The following COLEC10 variants were observed in gnomAD, a reference collection of about 807,000 sequenced individuals.
The protein encoded by COLEC10 is collectin subfamily member 10.
A neutral mutation model predicts 28.4 loss-of-function variants in COLEC10; 22 were observed. The observed-to-expected ratio is 0.78, with a 90% confidence interval of 0.55 to 1.11. The LOEUF is 1.11. Among genes scored for constraint, COLEC10 ranks in the 50% least tolerant of loss-of-function variants. The pLI is 0.00. For synonymous variants in COLEC10, 125 were observed against 116.1 expected, an observed-to-expected ratio of 1.08 and a Z score of -0.49; for missense variants, 361 against 344.1, an observed-to-expected ratio of 1.05 and a Z score of -0.39.
intron 2 of COLEC10, among the ~76,000 whole-genome samples, chr8:119,054,406 G>A (rs1370722097): frequency 6.6e-6 from 1 of 152,042 alleles, no homozygotes; most frequent in African/African-American, 2.4e-5. Flanking sequence ...TAATCAGATT[G>A]CAAACAGGTC....
intron 5 of COLEC10, among the ~76,000 whole-genome samples, chr8:119,105,572 G>A (rs756272796): frequency 5.3e-5 from 8 of 152,110 alleles, no homozygotes; most frequent in Non-Finnish European, 1.2e-4. Context: ...CTGGCCAGGT[G>A]TGTGAGAAGT....
At chr8:119,082,711 T>C (rs1237301218) in intron 1 of COLEC10, among the ~76,000 whole-genome samples, 1 of 152,190 alleles carries the variant, frequency 6.6e-6, no homozygotes, top group Non-Finnish European at 1.5e-5. Flanking sequence ...CCACATAATA[T>C]TTCATTGGCG....
chr8:119,083,946 G>A (rs1475807736), intron 1 of COLEC10, among the ~76,000 whole-genome samples: 3 of 152,140 alleles, frequency 2.0e-5, no homozygotes, highest in Non-Finnish European at 4.4e-5. Flanking sequence ...AACGTTGCCA[G>A]GGTCTGGGCC....
the COLEC10 span, among the ~76,000 whole-genome samples, chr8:118,957,425 C>T: frequency 6.6e-6 from 1 of 152,142 alleles, no homozygotes; most frequent in African/African-American, 2.4e-5. Context: ...CCCTTTTGAT[C>T]AGACAATGGA....
At chr8:119,091,013 T>C in intron 2 of COLEC10, 136 bp from the exon 3 acceptor site, 2 of 701,032 alleles carry the variant, frequency 2.9e-6, no homozygotes, top group Non-Finnish European at 5.1e-6. Context: ...CTAGACAATA[T>C]AGCATGGGAT....
chr8:119,075,995 G>A (rs181841277), intron 1 of COLEC10, among the ~76,000 whole-genome samples: 4,305 of 147,232 alleles, frequency 0.029, 92 homozygotes, highest in Non-Finnish European at 0.05. Context: ...CCGCCTCCTG[G>A]GTTCATGCCA....
chr8:118,980,288 C>T, the COLEC10 span, among the ~76,000 whole-genome samples: 143 of 151,632 alleles, frequency 9.4e-4, 1 homozygote, highest in African/African-American at 3.5e-3. Context: ...CAACCTCCAC[C>T]TCCTGGAGAT....
chr8:119,084,826 T>G (rs1436874060), intron 1 of COLEC10, among the ~76,000 whole-genome samples: 3 of 152,096 alleles, frequency 2.0e-5, no homozygotes. Context: ...CAGTAATGGG[T>G]TTTTATCTTT....
the COLEC10 span, among the ~76,000 whole-genome samples, chr8:118,986,838 G>A: frequency 2.6e-5 from 4 of 152,028 alleles, no homozygotes; most frequent in Admixed American, 6.6e-5. Flanking sequence ...ACCTAAAACA[G>A]GTAAATTTAT....
At position 119,008,485 on chromosome 8, in the gene COLEC10, T is replaced by A. The variant is rs1290059797; in HGVS notation, n.123-956T>A. Among the ~76,000 whole-genome samples, 3 of 149,590 alleles carry A rather than the reference T, an allele frequency of 2.0e-5. 1 individual carries two copies. The highest frequency in any genetic ancestry group is 6.6e-5 in the Admixed American group (1 of 15,126). ...AGGGTTTATTTTTACTTTTTATTTT[T>A]TTTTTTGCCATCGGGATTTGGCTTG... On this transcript the variant is annotated intron_variant and non_coding_transcript_variant, in intron 1 of 6. Transcript: ENST00000521788.
In COLEC10 at chr8:119,036,135, T is replaced by A. The variant is rs570653563; in HGVS notation, n.235+26582T>A. On this transcript the variant is annotated intron_variant and non_coding_transcript_variant, in intron 2 of 6. Coordinates refer to the COLEC10 transcript ENST00000521788. ...CAGAGTGTTAAAAGAATGAGAACAA[T>A]CTTCTTTCTCTAGCATCTCTCCCCA... Among the ~76,000 whole-genome samples the A allele has an allele frequency of 8.5e-5, 13 of 152,310 alleles. No homozygotes were observed. In the South Asian group the frequency reaches 2.7e-3, roughly 32 times the overall value.
chr8:118,972,803 C>G, the COLEC10 span, among the ~76,000 whole-genome samples: 1 of 151,916 alleles, frequency 6.6e-6, no homozygotes, highest in Non-Finnish European at 1.5e-5. Flanking sequence ...AAAGACATAC[C>G]TGAGACTGGG....
intron 1 of COLEC10, among the ~76,000 whole-genome samples, chr8:119,073,354 G>A (rs78352792): frequency 0.013 from 2,032 of 151,990 alleles, 46 homozygotes; most frequent in African/African-American, 0.045. Context: ...TGAGATCAAT[G>A]TATAAACATG....
intron 5 of COLEC10, among the ~76,000 whole-genome samples, chr8:119,104,848 G>A (rs1193162947): frequency 6.6e-6 from 1 of 152,160 alleles, no homozygotes; most frequent in Non-Finnish European, 1.5e-5. Context: ...AGAACATAGA[G>A]CAATAGTTCT....
At position 119,046,238 on chromosome 8, in the gene COLEC10, T is replaced by C. The variant is rs1214145505; in HGVS notation, n.235+36685T>C. Among the ~76,000 whole-genome samples the C allele has an allele frequency of 2.1e-5, 3 of 139,804 alleles. No homozygotes were observed. In the East Asian group the frequency reaches 8.2e-4, roughly 38 times the overall value. The allele number at this position is 139,804 out of a possible 152,430, so 91.7% of individuals were successfully genotyped here. ...CCACTGTCTGTCTCCATTTGTGATCTTTTTTTTTCTCTTTTAGTTAATGTG... is the reference window on the plus strand; with the variant it reads ...CCACTGTCTGTCTCCATTTGTGATCCTTTTTTTTCTCTTTTAGTTAATGTG... On this transcript the variant is annotated intron_variant and non_coding_transcript_variant, in intron 2 of 6. Transcript: ENST00000521788.
chr8:118,967,879 C>T, the COLEC10 span, among the ~76,000 whole-genome samples: 1 of 151,942 alleles, frequency 6.6e-6, no homozygotes, highest in Non-Finnish European at 1.5e-5. Flanking sequence ...CCTAAAGTAT[C>T]ACAACATGAC....
At chr8:119,085,606 T>C (rs906737942) in intron 1 of COLEC10, among the ~76,000 whole-genome samples, 12 of 63,410 alleles carry the variant, frequency 1.9e-4, no homozygotes, top group African/African-American at 6.7e-4. Context: ...CTTCTTTTTT[T>C]TTTTTTTTTT....
At chr8:118,968,823 C>T in the COLEC10 span, among the ~76,000 whole-genome samples, 1 of 151,810 alleles carries the variant, frequency 6.6e-6, no homozygotes, top group Non-Finnish European at 1.5e-5. Flanking sequence ...TCCCAGTGTC[C>T]ATGTGTTCTC....
At chr8:119,037,747 G>A (rs1814414602) in intron 2 of COLEC10, among the ~76,000 whole-genome samples, 1 of 152,172 alleles carries the variant, frequency 6.6e-6, no homozygotes, top group Non-Finnish European at 1.5e-5. Context: ...TAGCACCTGT[G>A]CATCCTATGC....
Sources: gnomAD v4.1 joint callset for allele counts (sites outside exome capture counted in the v4.1 genomes callset) on GRCh38, gnomAD v4.1.1 for gene constraint, MANE v1.5 for transcripts, NCBI Gene and HGNC (gene_info 2026-07-23, HGNC 2026-07-21) for gene names.